PRLR: variants seen among roughly 807,000 people sequenced by gnomAD.
The protein encoded by PRLR is hPRL receptor.
PRLR carries 13 observed loss-of-function variants against 40.2 expected under a neutral mutation model. The observed-to-expected ratio is 0.32, with a 90% CI of 0.21 to 0.51. PRLR has a LOEUF of 0.51. Among genes scored for constraint, PRLR ranks in the 20% least tolerant of loss-of-function variants. The pLI is 0.97. For synonymous variants in PRLR, 269 were observed against 278.7 expected, an observed-to-expected ratio of 0.97 and a Z score of 0.35; for missense variants, 656 against 747.3, an observed-to-expected ratio of 0.88 and a Z score of 1.42.
chr5:35,189,700 T>C (rs909588608), intron 1 of PRLR, among the ~76,000 whole-genome samples: 1 of 152,214 alleles, frequency 6.6e-6, no homozygotes, highest in Admixed American at 6.5e-5. Flanking sequence ...ACGCCGGAGT[T>C]CTAGGTTCTT....
intron 2 of PRLR, among the ~76,000 whole-genome samples, chr5:35,107,733 A>C (rs994942769): frequency 2.0e-5 from 3 of 152,224 alleles, no homozygotes; most frequent in Non-Finnish European, 2.9e-5. Flanking sequence ...GGCAATAATT[A>C]ATAGCCTACC....
intron 2 of PRLR, among the ~76,000 whole-genome samples, chr5:35,098,109 G>A (rs1771647989): frequency 6.6e-6 from 1 of 152,194 alleles, no homozygotes; most frequent in African/African-American, 2.4e-5. Context: ...TTCTGTGAGA[G>A]GAGTACATAT....
intron 1 of PRLR, among the ~76,000 whole-genome samples, chr5:35,132,071 G>A (rs1329092578): frequency 1.3e-5 from 2 of 152,120 alleles, no homozygotes; most frequent in Non-Finnish European, 1.5e-5. Flanking sequence ...CCTCACTCTG[G>A]CTTTGATGTT....
intron 1 of PRLR, among the ~76,000 whole-genome samples, chr5:35,155,128 A>G (rs934966560): frequency 1.3e-5 from 2 of 152,220 alleles, no homozygotes; most frequent in Non-Finnish European, 2.9e-5. Context: ...CATCCTGTAC[A>G]TGTACCCCTG....
In PRLR at chr5:35,062,005, GC is replaced by G. The variant is rs1231554655; in HGVS notation, c.*3083del. On this transcript the variant is annotated 3_prime_UTR_variant, in exon 10 of 10. Transcript: ENST00000618457. ...CAATCTCCTGCCTCTTTTTTTAAATGCCTCTTTCTACACATATATTTGCACA... is the reference window on the plus strand; with the variant it reads ...CAATCTCCTGCCTCTTTTTTTAAATGCTCTTTCTACACATATATTTGCACA... 3 of 151,884 alleles carry G rather than the reference GC, an allele frequency of 2.0e-5. No homozygotes were observed. The highest frequency in any genetic ancestry group is 7.3e-5 in the African/African-American group (3 of 41,340). The allele number at this position is 151,884 out of a possible 1,614,324, so 9.4% of individuals were successfully genotyped here. A position where few individuals can be genotyped will look rare whatever the true frequency, so the allele number is the denominator to read the frequency against.
rs183357166 is a variant in PRLR at position 35,218,216 on chromosome 5, C to T, written c.-106+12052G>A. Among the ~76,000 whole-genome samples the T allele has an allele frequency of 8.6e-5, 13 of 152,046 alleles. No individual in the cohort carries two copies. The East Asian group carries it at 1.9e-3, about 23-fold the overall frequency. ...TGCAGTTTTAAATTTGGAAGTCAACCGTAAGAAATACCTGACACATATCAT... is the reference window on the plus strand; with the variant it reads ...TGCAGTTTTAAATTTGGAAGTCAACTGTAAGAAATACCTGACACATATCAT... On this transcript the variant is annotated intron_variant, in intron 1 of 9. Transcript: ENST00000618457.
intron 1 of PRLR, among the ~76,000 whole-genome samples, chr5:35,183,538 A>T (rs1380261584): frequency 6.6e-6 from 1 of 152,084 alleles, no homozygotes; most frequent in Non-Finnish European, 1.5e-5. Context: ...GGGGCCAGAG[A>T]GTGTGGCATG....
At chr5:35,076,399 C>T (rs1486099663) in intron 5 of PRLR, among the ~76,000 whole-genome samples, 1 of 152,104 alleles carries the variant, frequency 6.6e-6, no homozygotes, top group Non-Finnish European at 1.5e-5. Flanking sequence ...GTGATGCATG[C>T]ACAAGCATCA....
chr5:35,128,440 G>A (rs1200883773), intron 1 of PRLR, among the ~76,000 whole-genome samples: 3 of 151,472 alleles, frequency 2.0e-5, no homozygotes, highest in Non-Finnish European at 2.9e-5. Flanking sequence ...AATACAATGC[G>A]AATACTATGT....
chr5:35,109,075 C>G (rs1172499145), intron 2 of PRLR, among the ~76,000 whole-genome samples: 2 of 152,094 alleles, frequency 1.3e-5, no homozygotes, highest in Non-Finnish European at 2.9e-5. Flanking sequence ...CATCTATAAC[C>G]ATCTGATCTT....
At chr5:35,136,204 T>A (rs1415120513) in intron 1 of PRLR, among the ~76,000 whole-genome samples, 6 of 152,178 alleles carry the variant, frequency 3.9e-5, no homozygotes, top group Non-Finnish European at 1.5e-5. Context: ...TGCAAGTTTG[T>A]GGACTCTCTG....
At chr5:35,134,959 T>C (rs1380046723) in intron 1 of PRLR, among the ~76,000 whole-genome samples, 1 of 152,256 alleles carries the variant, frequency 6.6e-6, no homozygotes, top group Non-Finnish European at 1.5e-5. Flanking sequence ...AGCCCAGTCA[T>C]CTAAGCCATC....
chr5:35,160,285 T>G (rs1300074904), intron 1 of PRLR, among the ~76,000 whole-genome samples: 1 of 152,194 alleles, frequency 6.6e-6, no homozygotes, highest in Admixed American at 6.5e-5. Flanking sequence ...TCATGCCTAT[T>G]CCTTTCTATG....
At chr5:35,074,529 A>ATATATATAT (rs1769950353) in intron 5 of PRLR, among the ~76,000 whole-genome samples, 5 of 145,948 alleles carry the variant, frequency 3.4e-5, no homozygotes, top group African/African-American at 1.3e-4. Context: ...ATATATATGA[A>ATATATATAT]ATATCCAGAC....
At chr5:35,216,034 T>A (rs1280363702) in intron 1 of PRLR, among the ~76,000 whole-genome samples, 1 of 150,004 alleles carries the variant, frequency 6.7e-6, no homozygotes, top group African/African-American at 2.5e-5. Context: ...AAAGACTCTG[T>A]CTCAAAAAAA....
intron 1 of PRLR, among the ~76,000 whole-genome samples, chr5:35,173,364 G>T (rs1452470303): frequency 6.6e-6 from 1 of 152,196 alleles, no homozygotes; most frequent in African/African-American, 2.4e-5. Flanking sequence ...TGGGTATAGG[G>T]TCCATTCATG....
chr5:35,078,576 A>G (rs1217167208), intron 5 of PRLR, among the ~76,000 whole-genome samples: 1 of 143,234 alleles, frequency 7.0e-6, no homozygotes, highest in East Asian at 2.0e-4. Flanking sequence ...CCTACCAACC[A>G]AAAAAAAAAA....
intron 1 of PRLR, among the ~76,000 whole-genome samples, chr5:35,159,388 T>C (rs575855571): frequency 4.0e-5 from 6 of 151,078 alleles, no homozygotes; most frequent in East Asian, 1.9e-4. Context: ...CTTAGACCCA[T>C]TGGCCCCATC....
At chr5:35,134,905 T>C (rs1479470754) in intron 1 of PRLR, among the ~76,000 whole-genome samples, 1 of 152,180 alleles carries the variant, frequency 6.6e-6, no homozygotes, top group Non-Finnish European at 1.5e-5. Context: ...GGAGCAAAGT[T>C]TGAGAACCAC....
Sources: allele counts gnomAD v4.1 joint callset (sites outside exome capture counted in the v4.1 genomes callset), GRCh38; gene constraint gnomAD v4.1.1; transcripts MANE v1.5; gene names NCBI Gene and HGNC (gene_info 2026-07-23, HGNC 2026-07-21).